C8orf34: variants seen among roughly 807,000 people sequenced by gnomAD.
C8orf34 encodes chromosome 8 open reading frame 34.
Under a neutral mutation model 68.3 loss-of-function variants are expected in C8orf34, and 65 were observed. The ratio of observed to expected loss-of-function variants is 0.95; its 90% CI spans 0.78 to 1.17. C8orf34 has a LOEUF of 1.17. Among genes scored for constraint, C8orf34 ranks in the 50% most tolerant of loss-of-function variants. The pLI is 0.00. For synonymous variants in C8orf34, 244 were observed against 241.2 expected (o/e 1.01, Z -0.11); for missense variants, 664 against 655.4 (o/e 1.01, Z -0.14).
intron 7 of C8orf34, among the ~76,000 whole-genome samples, chr8:68,540,169 G>A (rs1193434484): frequency 6.6e-6 from 1 of 151,516 alleles, no homozygotes; most frequent in Non-Finnish European, 1.5e-5. Context: ...ATTAAATAGA[G>A]GAGCACTAAA....
intron 3 of C8orf34, among the ~76,000 whole-genome samples, chr8:68,465,927 T>G (rs1227589914): frequency 6.6e-6 from 1 of 151,084 alleles, no homozygotes; most frequent in Non-Finnish European, 1.5e-5. Context: ...ATTGTGCACA[T>G]GTACCCTAAA....
intron 8 of C8orf34, among the ~76,000 whole-genome samples, chr8:68,686,156 A>C (rs531747177): frequency 7.2e-5 from 11 of 152,086 alleles, no homozygotes; most frequent in Middle Eastern, 3.4e-3. Flanking sequence ...ACCACCACCA[A>C]CAACAGAAAA....
Position 68,401,861 on chromosome 8 carries a change from TTGTGTGTG to T in C8orf34, c.328-37618_328-37611del, listed in dbSNP as rs34713905. ...AGGGATATTGGTCTACAGTTCTCTT[TTGTGTGTG>T]TGTGTGTGTGTGTGTGTGTTCGTAT... On this transcript the variant is annotated intron_variant, in intron 1 of 13. Coordinates refer to ENST00000518698, the MANE Select transcript of C8orf34 (RefSeq NM_052958.4). Among the ~76,000 whole-genome samples, 588 of 149,064 alleles carry T rather than the reference TTGTGTGTG, an allele frequency of 3.9e-3. 5 individuals are homozygous for T. The highest frequency in any genetic ancestry group is 0.013 in the African/African-American group (531 of 40,612).
chr8:68,330,795 A>G, upstream of C8orf34: 1 of 303,062 alleles, frequency 3.3e-6, no homozygotes, highest in Non-Finnish European at 6.0e-6. Context: ...GCGCGCACGG[A>G]CACACACACA....
chr8:68,388,841 G>A (rs910153648), intron 1 of C8orf34, among the ~76,000 whole-genome samples: 1 of 152,078 alleles, frequency 6.6e-6, no homozygotes, highest in Non-Finnish European at 1.5e-5. Context: ...CCCAAAATTT[G>A]CATTTCTGTT....
At chr8:68,792,991 A>G (rs557847219) in intron 12 of C8orf34, among the ~76,000 whole-genome samples, 8 of 152,252 alleles carry the variant, frequency 5.3e-5, no homozygotes, top group African/African-American at 1.9e-4. Flanking sequence ...ATACACAAAC[A>G]TACATATATA....
At chr8:68,337,947 A>G (rs570201606) in intron 1 of C8orf34, among the ~76,000 whole-genome samples, 1 of 152,200 alleles carries the variant, frequency 6.6e-6, no homozygotes, top group Admixed American at 6.5e-5. Context: ...TGAGGGAGAC[A>G]CTTTCTCCTT....
At chr8:68,442,427 T>A (rs2591006) in intron 2 of C8orf34, among the ~76,000 whole-genome samples, 55,068 of 151,862 alleles carry the variant, frequency 0.36, 10,330 homozygotes, top group Middle Eastern at 0.45. Flanking sequence ...GAAAACAGTT[T>A]GAGGGACTTT....
chr8:68,690,688 T>C (rs1439106077), intron 8 of C8orf34, among the ~76,000 whole-genome samples: 1 of 152,030 alleles, frequency 6.6e-6, no homozygotes. Flanking sequence ...AAGTAGAGAC[T>C]AAATTTCAGC....
intron 8 of C8orf34, among the ~76,000 whole-genome samples, chr8:68,684,673 C>T (rs758397656): frequency 7.9e-5 from 12 of 151,916 alleles, no homozygotes; most frequent in Non-Finnish European, 1.5e-4. Flanking sequence ...CTTTAATATT[C>T]TATAAGAATC....
chr8:68,608,047 T>TA (rs1322979484), intron 7 of C8orf34, among the ~76,000 whole-genome samples: 1 of 134,550 alleles, frequency 7.4e-6, no homozygotes, highest in African/African-American at 3.5e-5. Flanking sequence ...TAGTAGTTTT[T>TA]ATTAATTTAT....
intron 7 of C8orf34, among the ~76,000 whole-genome samples, chr8:68,560,742 T>C (rs1816398247): frequency 6.6e-6 from 1 of 152,148 alleles, no homozygotes; most frequent in African/African-American, 2.4e-5. Flanking sequence ...ATGGTACTCC[T>C]GTACAGGACA....
intron 8 of C8orf34, among the ~76,000 whole-genome samples, chr8:68,677,905 A>G (rs1277187184): frequency 6.6e-6 from 1 of 152,210 alleles, no homozygotes; most frequent in Non-Finnish European, 1.5e-5. Flanking sequence ...AGGAGACATT[A>G]CAACCAATAT....
chr8:68,678,622 C>T (rs547640106), intron 8 of C8orf34, among the ~76,000 whole-genome samples: 1 of 151,770 alleles, frequency 6.6e-6, no homozygotes, highest in East Asian at 1.9e-4. Context: ...TTTGACAGAC[C>T]CACAGCTAGT....
At chr8:68,450,420 T>C (rs975710733) in intron 3 of C8orf34, among the ~76,000 whole-genome samples, 10 of 152,258 alleles carry the variant, frequency 6.6e-5, no homozygotes, top group African/African-American at 2.2e-4. Context: ...ATCTTTTTAA[T>C]GAAGTTTTTC....
intron 7 of C8orf34, among the ~76,000 whole-genome samples, chr8:68,591,732 C>T (rs527584440): frequency 1.3e-5 from 2 of 152,294 alleles, no homozygotes; most frequent in East Asian, 3.9e-4. Flanking sequence ...TCTTACATGA[C>T]ATGTATGTGC....
At chr8:68,435,657 G>C (rs1810633653) in intron 1 of C8orf34, among the ~76,000 whole-genome samples, 1 of 152,136 alleles carries the variant, frequency 6.6e-6, no homozygotes, top group South Asian at 2.1e-4. Flanking sequence ...GCTTCACTCT[G>C]CTTTCTGAAT....
intron 12 of C8orf34, among the ~76,000 whole-genome samples, chr8:68,800,160 A>C (rs2129529531): frequency 6.6e-6 from 1 of 152,350 alleles, no homozygotes; most frequent in Non-Finnish European, 1.5e-5. Context: ...TGCATAGGGA[A>C]GAACTCTAAT....
At chr8:68,714,773 A>G (rs1056044569) in intron 9 of C8orf34, among the ~76,000 whole-genome samples, 4 of 152,160 alleles carry the variant, frequency 2.6e-5, no homozygotes, top group African/African-American at 4.8e-5. Flanking sequence ...AGGAAAGACA[A>G]TCCTAAAATT....
Sources: allele counts gnomAD v4.1 joint callset (sites outside exome capture counted in the v4.1 genomes callset), GRCh38; gene constraint gnomAD v4.1.1; transcripts MANE v1.5; gene names NCBI Gene and HGNC (gene_info 2026-07-23, HGNC 2026-07-21).